The following TRPM3 variants were observed in gnomAD, a reference collection of about 807,000 sequenced individuals.
TRPM3 encodes the protein transient receptor potential cation channel subfamily M member 3.
TRPM3 carries 77 observed loss-of-function variants against 181.2 expected under a neutral mutation model. The ratio of observed to expected loss-of-function variants is 0.42; its 90% CI spans 0.35 to 0.51. The LOEUF (loss-of-function observed/expected upper bound fraction) is 0.51, where lower values mean the gene tolerates loss of function less well. Among genes scored for constraint, TRPM3 ranks in the 20% least tolerant of loss-of-function variants. The pLI, the probability that TRPM3 is intolerant of heterozygous loss-of-function variation, is 0.01. For synonymous variants in TRPM3, 745 were observed against 796.4 expected (o/e 0.94, Z 1.09); for missense variants, 1,759 against 2,196.7 (o/e 0.80, Z 3.98).
intron 1 of TRPM3, among the ~76,000 whole-genome samples, chr9:71,248,055 A>G (rs960214890): frequency 6.6e-6 from 1 of 152,148 alleles, no homozygotes; most frequent in African/African-American, 2.4e-5. Context: ...TTGAGATTTT[A>G]AGTACATCTC....
intron 1 of TRPM3, among the ~76,000 whole-genome samples, chr9:71,335,629 C>T (rs988387194): frequency 5.9e-5 from 9 of 151,960 alleles, no homozygotes; most frequent in Admixed American, 4.6e-4. Context: ...TAATGTTTGG[C>T]CCCCAGGATC....
At chr9:71,130,627 G>A (rs1409853068) in intron 1 of TRPM3, among the ~76,000 whole-genome samples, 1 of 152,138 alleles carries the variant, frequency 6.6e-6, no homozygotes, top group Admixed American at 6.5e-5. Flanking sequence ...ATTTATAGCA[G>A]CTTCTAAATT....
chr9:71,440,280 C>T (rs1464070089), intron 1 of TRPM3, among the ~76,000 whole-genome samples: 1 of 152,180 alleles, frequency 6.6e-6, no homozygotes, highest in African/African-American at 2.4e-5. Flanking sequence ...TAATAATGGA[C>T]AGACCAGGAT....
intron 1 of TRPM3, among the ~76,000 whole-genome samples, chr9:70,890,415 A>T (rs912371911): frequency 2.8e-4 from 42 of 152,088 alleles, no homozygotes; most frequent in Non-Finnish European, 5.0e-4. Context: ...TATCAAAAAA[A>T]TTGATATAAG....
chr9:71,418,639 T>C (rs906257772), intron 1 of TRPM3, among the ~76,000 whole-genome samples: 2 of 151,482 alleles, frequency 1.3e-5, no homozygotes, highest in African/African-American at 4.8e-5. Flanking sequence ...TCACTAGTGA[T>C]ATCAGAAAAG....
intron 1 of TRPM3, among the ~76,000 whole-genome samples, chr9:71,236,796 C>T (rs149122466): frequency 2.6e-5 from 4 of 152,174 alleles, no homozygotes; most frequent in Non-Finnish European, 5.9e-5. Flanking sequence ...CCTGTAATCC[C>T]AGCACTTTGG....
intron 7 of TRPM3, among the ~76,000 whole-genome samples, chr9:70,764,093 G>A (rs1322462579): frequency 6.6e-6 from 1 of 152,178 alleles, no homozygotes; most frequent in African/African-American, 2.4e-5. Flanking sequence ...TGGGGACTTC[G>A]AAGGTGACGT....
rs932957174 is a variant in TRPM3, at chr9:70,625,661, G to T, written c.1633-144C>A. 2 of 787,342 alleles carry T rather than the reference G, an allele frequency of 2.5e-6. No individual in the cohort carries two copies. The highest frequency in any genetic ancestry group is 1.8e-5 in the South Asian group (1 of 55,098). 48.8% of individuals were successfully genotyped at this position (787,342 alleles called of 1,614,324 possible). A position where few individuals can be genotyped will look rare whatever the true frequency, so the allele number is the denominator to read the frequency against. On this transcript the variant is annotated intron_variant, in intron 12 of 25. Coordinates refer to ENST00000677713, the MANE Select transcript of TRPM3 (RefSeq NM_001366145.2). This position sits in a 1 kb window ranked among gnomAD's most constrained non-coding sequence, Gnocchi z 4.8. ...AAACACAAGGCTAGACAGGGCAAAT[G>T]CTATCACTCCCAGGCACTAGGAACT...
At chr9:71,183,576 A>G (rs945687207) in intron 1 of TRPM3, among the ~76,000 whole-genome samples, 4 of 152,088 alleles carry the variant, frequency 2.6e-5, no homozygotes, top group African/African-American at 4.8e-5. Context: ...TTCTTTTCCA[A>G]GCTTTACTTA....
chr9:71,085,708 A>G (rs1048583495), intron 1 of TRPM3, among the ~76,000 whole-genome samples: 4 of 152,072 alleles, frequency 2.6e-5, no homozygotes, highest in Non-Finnish European at 5.9e-5. Context: ...AGATGCTGGC[A>G]AGGCTGCAGA....
At chr9:71,278,173 G>A (rs902494839) in intron 1 of TRPM3, among the ~76,000 whole-genome samples, 10 of 152,142 alleles carry the variant, frequency 6.6e-5, no homozygotes, top group East Asian at 5.8e-4. Context: ...CAATAACTGC[G>A]GATCTACTAT....
intron 8 of TRPM3, among the ~76,000 whole-genome samples, chr9:70,760,486 C>T (rs2077916058): frequency 6.7e-6 from 1 of 149,504 alleles, no homozygotes; most frequent in African/African-American, 2.5e-5. Context: ...CAGCCATGAC[C>T]GTGTGCCCCA....
intron 6 of TRPM3, among the ~76,000 whole-genome samples, chr9:70,790,724 A>G (rs1044790563): frequency 6.6e-6 from 1 of 152,178 alleles, no homozygotes; most frequent in African/African-American, 2.4e-5. Context: ...TGTGAGATGA[A>G]TTTATGAAAA....
At chr9:71,133,450 C>G (rs2074505569) in intron 1 of TRPM3, among the ~76,000 whole-genome samples, 1 of 151,970 alleles carries the variant, frequency 6.6e-6, no homozygotes, top group South Asian at 2.1e-4. Flanking sequence ...CAGGCATGTG[C>G]CACCACACCC....
intron 1 of TRPM3, among the ~76,000 whole-genome samples, chr9:71,169,032 A>G (rs1177286248): frequency 6.6e-6 from 1 of 152,172 alleles, no homozygotes; most frequent in South Asian, 2.1e-4. Flanking sequence ...GGCAGGTTGT[A>G]TCAGGCATTG....
At chr9:71,352,795 C>T (rs2091713599) in intron 1 of TRPM3, among the ~76,000 whole-genome samples, 1 of 152,108 alleles carries the variant, frequency 6.6e-6, no homozygotes, top group Admixed American at 6.5e-5. Context: ...ATCTCAGGCA[C>T]CACCAAAACC....
At chr9:71,041,856 C>T (rs1261955879) in intron 1 of TRPM3, among the ~76,000 whole-genome samples, 1 of 152,144 alleles carries the variant, frequency 6.6e-6, no homozygotes, top group Non-Finnish European at 1.5e-5. Context: ...CCTGGACAGG[C>T]CAGTCTCCTC....
intron 1 of TRPM3, among the ~76,000 whole-genome samples, chr9:71,311,616 A>G (rs1467298188): frequency 6.6e-6 from 1 of 152,108 alleles, no homozygotes; most frequent in Non-Finnish European, 1.5e-5. Context: ...AAAGTAACTC[A>G]ACATGAGTCA....
At chr9:70,662,028 A>C (rs2061206108) in intron 9 of TRPM3, among the ~76,000 whole-genome samples, 1 of 152,196 alleles carries the variant, frequency 6.6e-6, no homozygotes, top group Non-Finnish European at 1.5e-5. Flanking sequence ...GTTATACTAC[A>C]AGGTTACAGT....
Sources: gnomAD v4.1 joint callset for allele counts (sites outside exome capture counted in the v4.1 genomes callset) on GRCh38, gnomAD v4.1.1 for gene constraint, Gnocchi (gnomAD v3.1) non-coding constraint, MANE v1.5 for transcripts, NCBI Gene and HGNC (gene_info 2026-07-23, HGNC 2026-07-21) for gene names.